SLCO1A2: variants seen among roughly 807,000 people sequenced by gnomAD.
SLCO1A2 encodes OATP-1.
SLCO1A2 carries 67 observed loss-of-function variants against 69.0 expected under a neutral mutation model. That is an observed-to-expected ratio of 0.97 (90% CI 0.80 to 1.19). The LOEUF (loss-of-function observed/expected upper bound fraction) is 1.19. Ranked by LOEUF, SLCO1A2 falls within the 50% of genes most tolerant of loss-of-function variation. SLCO1A2 has a pLI of 0.00. For synonymous variants in SLCO1A2, 260 were observed against 265.9 expected (o/e 0.98, Z 0.22); for missense variants, 787 against 793.7 (o/e 0.99, Z 0.10).
intron 8 of SLCO1A2, among the ~76,000 whole-genome samples, chr12:21,300,000 A>T (rs895281409): frequency 1.3e-4 from 19 of 147,236 alleles, no homozygotes; most frequent in African/African-American, 1.3e-4. Context: ...GTGTAGATAT[A>T]TGTGTGTGTA....
chr12:21,299,947 CATAT>C (rs545212623), intron 8 of SLCO1A2, among the ~76,000 whole-genome samples: 1 of 143,362 alleles, frequency 7.0e-6, no homozygotes, highest in South Asian at 2.1e-4. Context: ...TCCTCTCTCT[CATAT>C]ATATATGTGT....
chr12:21,357,240 AC>A (rs1938439943), intron 2 of SLCO1A2, among the ~76,000 whole-genome samples: 1 of 152,062 alleles, frequency 6.6e-6, no homozygotes, highest in Non-Finnish European at 1.5e-5. Flanking sequence ...ATACTTTGAG[AC>A]CCTAGTATAA....
chr12:21,390,657 T>C (rs1327812487), intron 1 of SLCO1A2, among the ~76,000 whole-genome samples: 2 of 152,116 alleles, frequency 1.3e-5, no homozygotes, highest in Admixed American at 6.5e-5. Flanking sequence ...TAAACCCAAA[T>C]AACAGAAATA....
At chr12:21,356,882 A>G (rs1339577946) in intron 2 of SLCO1A2, among the ~76,000 whole-genome samples, 1 of 152,168 alleles carries the variant, frequency 6.6e-6, no homozygotes, top group African/African-American at 2.4e-5. Context: ...TGTATCTTAA[A>G]CAGAAAATAT....
At chr12:21,394,935 A>G (rs1941362037) in exon 1 of SLCO1A2, 1 of 152,246 alleles carries the variant, frequency 6.6e-6, no homozygotes, top group South Asian at 2.1e-4. Flanking sequence ...TGATAGTAAC[A>G]TAGCAGGCAC....
intron 2 of SLCO1A2, among the ~76,000 whole-genome samples, chr12:21,344,580 A>G (rs1443463274): frequency 6.6e-6 from 1 of 152,086 alleles, no homozygotes; most frequent in Non-Finnish European, 1.5e-5. Flanking sequence ...AGCACACTTG[A>G]AGCCAAAGAG....
intron 2 of SLCO1A2, among the ~76,000 whole-genome samples, chr12:21,343,219 T>C (rs1211765284): frequency 6.6e-6 from 1 of 152,160 alleles, no homozygotes. Flanking sequence ...CATGGAGACA[T>C]GGTTGCCCAT....
At position 21,341,267 on chromosome 12, in the gene SLCO1A2, T is replaced by A. The variant is rs554141635; in HGVS notation, c.-62-6558A>T. Among the ~76,000 whole-genome samples, 4 of 152,122 alleles carry A rather than the reference T, an allele frequency of 2.6e-5. No individual in the cohort carries two copies. The South Asian group carries it at 8.3e-4, about 32-fold the overall frequency. On this transcript the variant is annotated intron_variant, in intron 2 of 15. Coordinates refer to the SLCO1A2 transcript ENST00000307378. Reference sequence around the variant, plus strand: ...CATTTAGATAAAACACTGGAGGACCTAAACCAGAATTTTAAAAGTGGTTAT... The same window carrying A: ...CATTTAGATAAAACACTGGAGGACCAAAACCAGAATTTTAAAAGTGGTTAT...
chr12:21,337,914 T>C (rs1006957018), upstream of SLCO1A2, among the ~76,000 whole-genome samples: 6 of 151,994 alleles, frequency 3.9e-5, no homozygotes, highest in Non-Finnish European at 8.8e-5. Context: ...ATGTTATCCA[T>C]ACATGTGATT....
chr12:21,393,853 T>C (rs1941284466), intron 1 of SLCO1A2, among the ~76,000 whole-genome samples: 1 of 152,250 alleles, frequency 6.6e-6, no homozygotes, highest in Non-Finnish European at 1.5e-5. Flanking sequence ...ATTTTTGATA[T>C]TGCAACACAA....
chr12:21,388,742 A>C (rs1462545698), intron 1 of SLCO1A2, among the ~76,000 whole-genome samples: 2 of 152,220 alleles, frequency 1.3e-5, no homozygotes, highest in African/African-American at 2.4e-5. Context: ...ATATTAAAAA[A>C]TATTATGCCA....
intron 2 of SLCO1A2, among the ~76,000 whole-genome samples, chr12:21,364,632 G>T (rs1047320085): frequency 1.3e-5 from 2 of 152,164 alleles, no homozygotes; most frequent in Non-Finnish European, 2.9e-5. Context: ...GGACATGATT[G>T]TATATTTAGA....
intron 2 of SLCO1A2, among the ~76,000 whole-genome samples, chr12:21,354,070 T>C (rs985971112): frequency 6.6e-6 from 1 of 152,196 alleles, no homozygotes. Flanking sequence ...TTGAAGATTA[T>C]GGGAGACATT....
intron 2 of SLCO1A2, among the ~76,000 whole-genome samples, chr12:21,369,232 A>G (rs1451906579): frequency 4.6e-5 from 7 of 152,090 alleles, no homozygotes; most frequent in East Asian, 1.9e-4. Context: ...TTTATCTTCA[A>G]TCTCTTCTCA....
At chr12:21,283,196 G>A (rs1298590495) in intron 12 of SLCO1A2, among the ~76,000 whole-genome samples, 2 of 152,018 alleles carry the variant, frequency 1.3e-5, no homozygotes, top group African/African-American at 4.8e-5. Flanking sequence ...AACCAAAACA[G>A]CATGGTACTG....
At chr12:21,324,541 C>G (rs1396313865) in intron 2 of SLCO1A2, 1 of 152,126 alleles carries the variant, frequency 6.6e-6, no homozygotes, top group African/African-American at 2.4e-5. Flanking sequence ...AAACAAAAGA[C>G]TCTTACTAAA....
At chr12:21,342,312 G>T (rs551682275) in intron 2 of SLCO1A2, among the ~76,000 whole-genome samples, 47 of 151,998 alleles carry the variant, frequency 3.1e-4, no homozygotes, top group African/African-American at 1.1e-3. Flanking sequence ...AGAGTAATAG[G>T]ATGGAGAATT....
chr12:21,366,249 G>C (rs1387209015), intron 2 of SLCO1A2, among the ~76,000 whole-genome samples: 1 of 152,140 alleles, frequency 6.6e-6, no homozygotes, highest in Non-Finnish European at 1.5e-5. Context: ...ATCCTTTATA[G>C]AGACATGGAG....
chr12:21,393,728 T>C (rs894783860), intron 1 of SLCO1A2, among the ~76,000 whole-genome samples: 1 of 152,164 alleles, frequency 6.6e-6, no homozygotes, highest in African/African-American at 2.4e-5. Flanking sequence ...AATTGTAAGG[T>C]ATATATCTCA....
Sources: allele counts gnomAD v4.1 joint callset (sites outside exome capture counted in the v4.1 genomes callset), GRCh38; gene constraint gnomAD v4.1.1; transcripts MANE v1.5; gene names NCBI Gene and HGNC (gene_info 2026-07-23, HGNC 2026-07-21).